Variants in PCDHGA5 observed in about 807,000 individuals in gnomAD.
PCDHGA5 encodes the protein protocadherin gamma subfamily A, 5, also known as protocadherin gamma-A5.
PCDHGA5 carries 36 observed loss-of-function variants against 56.7 expected under a neutral mutation model. The ratio of observed to expected loss-of-function variants is 0.64; its 90% CI spans 0.49 to 0.84. The LOEUF (loss-of-function observed/expected upper bound fraction) is 0.84. Among genes scored for constraint, PCDHGA5 ranks in the 40% least tolerant of loss-of-function variants. The pLI, the probability that PCDHGA5 is intolerant of heterozygous loss-of-function variation, is 0.00. For missense variants in PCDHGA5, 1,305 were observed against 1,201.5 expected (o/e 1.09, Z -1.27); for synonymous variants, 563 against 520.2 (o/e 1.08, Z -1.12).
chr5:141,511,265 A>C lies in PCDHGA5; in HGVS notation c.*92A>C. The C allele has an allele frequency of 6.4e-7, 1 of 1,551,730 alleles. No individual in the cohort carries two copies. Among genetic ancestry groups the C allele is most frequent in the Non-Finnish European group, 8.7e-7 (1 of 1,148,178 alleles). ...ACCCAGGCCTCAGAGTTTCAGGGCT[A>C]ACCCCCAGAATACTGGTAGGGGCCA... On this transcript the variant is annotated 3_prime_UTR_variant, in exon 4 of 4. Coordinates refer to ENST00000518069, the MANE Select transcript of PCDHGA5 (RefSeq NM_018918.3).
intron 1 of PCDHGA5, among the ~76,000 whole-genome samples, chr5:141,468,247 C>T (rs925455907): frequency 6.7e-6 from 1 of 149,930 alleles, no homozygotes; most frequent in Non-Finnish European, 1.5e-5. Flanking sequence ...ATTGCCTGAA[C>T]CTGGGAGGCA....
chr5:141,477,453 A>G lies in PCDHGA5; in HGVS notation c.2422-17354A>G, dbSNP rs886363658. 1 of 1,614,018 alleles carries G rather than the reference A, an allele frequency of 6.2e-7. No homozygotes were observed. Among genetic ancestry groups the G allele is most frequent in the African/African-American group, 1.3e-5 (1 of 74,910 alleles). The stretch of plus-strand genomic sequence containing the variant: ...TCAGCCCTTACAATAGTGCGTGTTC[A>G]AGTGTCCGACATCAATGACAACCCT... On this transcript the variant is annotated intron_variant, in intron 1 of 3. Coordinates refer to ENST00000518069, the MANE Select transcript of PCDHGA5 (RefSeq NM_018918.3). This position sits in a 1 kb window ranked among gnomAD's most constrained non-coding sequence, Gnocchi z 4.9.
Position 141,491,663 on chromosome 5 carries a change from T to G in PCDHGA5, c.2422-3144T>G, listed in dbSNP as rs895604632. ...GCTCTGGCGCTGGAGCCTGACGCCA[T>G]CCGGTCCCGCTCTAATACGCTGCGG... On this transcript the variant is annotated intron_variant, in intron 1 of 3. Coordinates refer to ENST00000518069, the MANE Select transcript of PCDHGA5 (RefSeq NM_018918.3). The surrounding 1 kb of genome is among the most constrained non-coding windows in gnomAD (Gnocchi z 6.9). The G allele has an allele frequency of 3.1e-6, 5 of 1,613,650 alleles. No homozygotes were observed. Among genetic ancestry groups the G allele is most frequent in the Non-Finnish European group, 4.2e-6 (5 of 1,180,014 alleles).
Position 141,485,582 on chromosome 5 carries a change from C to G in PCDHGA5, c.2422-9225C>G. The G allele has an allele frequency of 6.2e-7, 1 of 1,612,374 alleles. No individual in the cohort carries two copies. Among genetic ancestry groups the G allele is most frequent in the South Asian group, 1.1e-5 (1 of 90,956 alleles). On this transcript the variant is annotated intron_variant, in intron 1 of 3. Transcript: ENST00000518069. The surrounding 1 kb of genome is among the most constrained non-coding windows in gnomAD (Gnocchi z 5.7). ...TCACGCCCCCCGTTTTCCGCGGCAG[C>G]AGCTGGACTTGGAAATTGGGGAGGC...
chr5:141,464,419 A>C (rs2099083824), intron 1 of PCDHGA5, among the ~76,000 whole-genome samples: 1 of 151,658 alleles, frequency 6.6e-6, no homozygotes, highest in Non-Finnish European at 1.5e-5. Flanking sequence ...ATATATCTAT[A>C]TATATAGATA....
intron 1 of PCDHGA5, chr5:141,417,666 G>C (rs1487166683): frequency 3.1e-5 from 28 of 917,486 alleles, no homozygotes; most frequent in Non-Finnish European, 4.2e-5. Context: ...GGGATTCCCT[G>C]CGCAGCCAAC....
chr5:141,371,532 G>A lies in PCDHGA5; in HGVS notation c.2421+4781G>A. ...ACATGATCTAGATTCTGGATTTAAT[G>A]GAGAAATCCTATGCCAACTAAAAGG... On this transcript the variant is annotated intron_variant, in intron 1 of 3. Transcript: ENST00000518069. The A allele has an allele frequency of 6.2e-7, 1 of 1,613,660 alleles. No individual in the cohort carries two copies. Among genetic ancestry groups the A allele is most frequent in the Non-Finnish European group, 8.5e-7 (1 of 1,179,684 alleles).
At chr5:141,415,828 G>A (rs1178303711) in intron 1 of PCDHGA5, 4 of 1,293,274 alleles carry the variant, frequency 3.1e-6, no homozygotes, top group Non-Finnish European at 3.0e-6. Flanking sequence ...ATAAGGCTTT[G>A]TTATGATTAG....
At chr5:141,457,881 G>T (rs2098931594) in intron 1 of PCDHGA5, among the ~76,000 whole-genome samples, 2 of 152,230 alleles carry the variant, frequency 1.3e-5, no homozygotes, top group African/African-American at 4.8e-5. Context: ...TAGGAACCCT[G>T]TGTGGGGACT....
chr5:141,447,164 G>T (rs2098528799), intron 1 of PCDHGA5, among the ~76,000 whole-genome samples: 1 of 151,766 alleles, frequency 6.6e-6, no homozygotes, highest in South Asian at 2.1e-4. Context: ...GTTTAAGCGG[G>T]GTCTTGCTCT....
At chr5:141,401,835 T>C (rs983491795) in intron 1 of PCDHGA5, among the ~76,000 whole-genome samples, 2 of 152,326 alleles carry the variant, frequency 1.3e-5, no homozygotes, top group South Asian at 4.1e-4. Context: ...AGATTTCTTA[T>C]AATACCACTT....
Position 141,486,484 on chromosome 5 carries a change from C to A in PCDHGA5, c.2422-8323C>A. On this transcript the variant is annotated intron_variant, in intron 1 of 3. Transcript: ENST00000518069. This position sits in a 1 kb window ranked among gnomAD's most constrained non-coding sequence, Gnocchi z 5.0. ...ATGCTGGGAACCCTCCTCTCAGTAC[C>A]CACAGAACTATTTTCCTCAATATTT... is the stretch of plus-strand genomic sequence containing the variant. 5 of 1,614,102 alleles carry A rather than the reference C, an allele frequency of 3.1e-6. No homozygotes were observed. Among genetic ancestry groups the A allele is most frequent in the Non-Finnish European group, 4.2e-6 (5 of 1,179,930 alleles).
At chr5:141,435,447 A>C (rs2097764160) in intron 1 of PCDHGA5, among the ~76,000 whole-genome samples, 1 of 152,168 alleles carries the variant, frequency 6.6e-6, no homozygotes, top group Non-Finnish European at 1.5e-5. Context: ...CATTAATACG[A>C]TATCTGTATG....
chr5:141,408,377 C>T (rs1322642798), intron 1 of PCDHGA5: 4 of 1,613,902 alleles, frequency 2.5e-6, no homozygotes, highest in Non-Finnish European at 3.4e-6. Context: ...GCTCAGTGTC[C>T]TGGATGTGTC....
chr5:141,417,900 G>C, intron 1 of PCDHGA5: 2 of 1,583,452 alleles, frequency 1.3e-6, no homozygotes, highest in Non-Finnish European at 1.7e-6. Context: ...GCCGGCCCGC[G>C]GCAGGTACTA....
chr5:141,385,267 T>G lies in PCDHGA5; in HGVS notation c.2421+18516T>G, dbSNP rs965746690. On this transcript the variant is annotated intron_variant, in intron 1 of 3. Transcript: ENST00000518069. ...CCAGGAGAGCTGTGAGAAAAATGAT[T>G]CTTTGCTAACATCCGTAGATTTTCA... 10 of 1,614,058 alleles carry G rather than the reference T, an allele frequency of 6.2e-6. No individual in the cohort carries two copies. In the African/African-American group the frequency reaches 1.2e-4, roughly 19 times the overall value.
rs1387152450 is a variant in PCDHGA5 at position 141,487,754 on chromosome 5, G to A, written c.2422-7053G>A. The A allele has an allele frequency of 1.3e-6, 2 of 1,552,036 alleles. No individual in the cohort carries two copies. Among genetic ancestry groups the A allele is most frequent in the Admixed American group, 3.9e-5 (2 of 50,970 alleles). ...CATTTTTGTAAGAGGTAACTATGTG[G>A]TAGACGCTGTGCTTTGTAACTGTTT... On this transcript the variant is annotated intron_variant, in intron 1 of 3. Transcript: ENST00000518069. This position sits in a 1 kb window ranked among gnomAD's most constrained non-coding sequence, Gnocchi z 5.0.
At position 141,427,779 on chromosome 5, in the gene PCDHGA5, C is replaced by T. The variant is rs1196661076; in HGVS notation, c.2421+61028C>T. On this transcript the variant is annotated intron_variant, in intron 1 of 3. Transcript: ENST00000518069. Reference sequence around the variant, plus strand: ...TACCACTGACTTGGAGCTGCGGGCACTGTCGTCCTACGTGTCCGTGAGCGC... The same window carrying T: ...TACCACTGACTTGGAGCTGCGGGCATTGTCGTCCTACGTGTCCGTGAGCGC... 2.1e-6 allele frequency: 3 copies of T among 1,454,498 alleles called. No individual in the cohort carries two copies. The East Asian group carries it at 6.8e-5, about 33-fold the overall frequency. The allele number at this position is 1,454,498 out of a possible 1,614,324, so 90.1% of individuals were successfully genotyped here. A position where few individuals can be genotyped will look rare whatever the true frequency, so the allele number is the denominator to read the frequency against.
chr5:141,395,147 G>T (rs906877951), intron 1 of PCDHGA5: 21 of 1,614,092 alleles, frequency 1.3e-5, no homozygotes, highest in Non-Finnish European at 1.8e-5. Context: ...ACGCAGACAT[G>T]CTCATCAGTC....
Sources: gnomAD v4.1 joint callset for allele counts (sites outside exome capture counted in the v4.1 genomes callset) on GRCh38, gnomAD v4.1.1 for gene constraint, Gnocchi (gnomAD v3.1) non-coding constraint, MANE v1.5 for transcripts, NCBI Gene and HGNC (gene_info 2026-07-23, HGNC 2026-07-21) for gene names.